DNAJC17: variants seen among roughly 807,000 people sequenced by gnomAD.
The protein encoded by DNAJC17 is DnaJ heat shock protein family (Hsp40) member C17.
Under a neutral mutation model 48.1 loss-of-function variants are expected in DNAJC17, and 35 were observed. The observed-to-expected ratio is 0.73, with a 90% confidence interval of 0.56 to 0.96. The LOEUF (loss-of-function observed/expected upper bound fraction) is 0.96, where lower values mean the gene tolerates loss of function less well. DNAJC17 is among the 50% of genes least tolerant of loss of function. DNAJC17 has a pLI of 0.00. For missense variants in DNAJC17, 355 were observed against 377.1 expected (o/e 0.94, Z 0.48); for synonymous variants, 117 against 142.7 (o/e 0.82, Z 1.28).
chr15:40,794,044 C>G (rs1302763280), intron 1 of DNAJC17, among the ~76,000 whole-genome samples: 1 of 152,150 alleles, frequency 6.6e-6, no homozygotes, highest in African/African-American at 2.4e-5. Context: ...ATGCAACAAG[C>G]AACAATTCTT....
intron 3 of DNAJC17, 69 bp from the exon 4 acceptor site, chr15:40,779,379 C>G (rs2141951596): frequency 1.3e-6 from 2 of 1,588,200 alleles, no homozygotes; most frequent in Non-Finnish European, 1.7e-6. Context: ...GGCAATCTGC[C>G]TGGCCCCTAG....
intron 1 of DNAJC17, among the ~76,000 whole-genome samples, chr15:40,784,056 G>A (rs528568133): frequency 7.9e-5 from 12 of 151,704 alleles, no homozygotes; most frequent in East Asian, 1.9e-4. Context: ...GTAAAACCCC[G>A]TCTCTACCAA....
chr15:40,779,669 C>CAAA (rs879358935), intron 2 of DNAJC17, 66 bp from the exon 3 acceptor site: 5 of 1,248,318 alleles, frequency 4.0e-6, no homozygotes, highest in African/African-American at 1.6e-5. Context: ...TGTGCTCCCT[C>CAAA]AAAAAAAAAA....
intron 1 of DNAJC17, among the ~76,000 whole-genome samples, chr15:40,801,733 G>A (rs373013141): frequency 8.1e-4 from 101 of 124,600 alleles, no homozygotes; most frequent in African/African-American, 3.1e-3. Flanking sequence ...GCGAGACTCC[G>A]TCTCAAAAAA....
At chr15:40,805,234 G>A (rs1175905123) in intron 1 of DNAJC17, among the ~76,000 whole-genome samples, 2 of 151,762 alleles carry the variant, frequency 1.3e-5, no homozygotes, top group Non-Finnish European at 2.9e-5. Flanking sequence ...AAATTAGCTG[G>A]GCGTGGTGGC....
intron 1 of DNAJC17, among the ~76,000 whole-genome samples, chr15:40,785,746 G>A (rs1889623279): frequency 6.6e-6 from 1 of 152,180 alleles, no homozygotes; most frequent in Non-Finnish European, 1.5e-5. Context: ...CTGCTGTGGG[G>A]TAGATCTAAA....
intron 1 of DNAJC17, among the ~76,000 whole-genome samples, chr15:40,796,196 C>G (rs1387340009): frequency 1.3e-5 from 2 of 152,126 alleles, no homozygotes; most frequent in African/African-American, 4.8e-5. Flanking sequence ...CTACCAAGGG[C>G]GAGGCATTGT....
intron 4 of DNAJC17, chr15:40,778,983 G>A: frequency 1.9e-6 from 1 of 532,656 alleles, no homozygotes; most frequent in Non-Finnish European, 3.4e-6. Context: ...TCCTTGTATA[G>A]TTATGATAAT....
At chr15:40,774,287 C>T in intron 9 of DNAJC17, 69 bp downstream of exon 9, 3 of 1,559,878 alleles carry the variant, frequency 1.9e-6, no homozygotes, top group Non-Finnish European at 1.8e-6. Context: ...TCAGAGGGCC[C>T]ACAGAATTGG....
chr15:40,773,620 A>T, intron 10 of DNAJC17, 107 bp downstream of exon 10: 1 of 845,168 alleles, frequency 1.2e-6, no homozygotes, highest in Non-Finnish European at 1.8e-6. Flanking sequence ...TGCCAAGCTC[A>T]CTCTAGGCCC....
chr15:40,792,033 A>C (rs1889820643), intron 1 of DNAJC17, among the ~76,000 whole-genome samples: 1 of 152,180 alleles, frequency 6.6e-6, no homozygotes, highest in African/African-American at 2.4e-5. Flanking sequence ...TAGGGCCTAG[A>C]GGCCCAAACA....
chr15:40,805,528 C>T (rs559375614), intron 1 of DNAJC17, among the ~76,000 whole-genome samples: 1 of 151,790 alleles, frequency 6.6e-6, no homozygotes, highest in South Asian at 2.1e-4. Context: ...GCCTGGGCGA[C>T]AGAGCGAGAC....
At position 40,767,366 on chromosome 15, in the gene DNAJC17, T is replaced by G. The variant is rs1888973684; in HGVS notation, c.*574A>C. 1 of 1,590,432 alleles carries G rather than the reference T, an allele frequency of 6.3e-7. No individual in the cohort carries two copies. The highest frequency in any genetic ancestry group is 8.6e-7 in the Non-Finnish European group (1 of 1,169,486). On this transcript the variant is annotated 3_prime_UTR_variant, in exon 11 of 11. Transcript: ENST00000220496. ...AAGGAGTGACCTTCTCATGCTGATT[T>G]GCAGACGGGGCACCCCTGTGGAGGG...
intron 1 of DNAJC17, among the ~76,000 whole-genome samples, chr15:40,800,848 A>G (rs1246359343): frequency 6.6e-6 from 1 of 151,344 alleles, no homozygotes; most frequent in Admixed American, 6.6e-5. Flanking sequence ...AATCTCGGCT[A>G]CTCCGGAGAC....
At chr15:40,789,327 A>C in intron 1 of DNAJC17, among the ~76,000 whole-genome samples, 1 of 135,622 alleles carries the variant, frequency 7.4e-6, no homozygotes, top group East Asian at 2.3e-4. Context: ...CCCGGATCTC[A>C]TCTCCAGGTC....
At chr15:40,779,432 G>A (rs1889418785) in intron 3 of DNAJC17, 113 bp downstream of exon 3, 2 of 1,558,118 alleles carry the variant, frequency 1.3e-6, no homozygotes, top group Non-Finnish European at 1.8e-6. Flanking sequence ...TGGGTCTCCT[G>A]GGCTTAGACA....
chr15:40,788,032 T>C (rs552068055), intron 1 of DNAJC17, among the ~76,000 whole-genome samples: 11 of 152,244 alleles, frequency 7.2e-5, no homozygotes, highest in African/African-American at 2.6e-4. Flanking sequence ...GAGGCAGCTC[T>C]ATGTGACAAC....
Position 40,779,895 on chromosome 15 carries a change from T to C in DNAJC17, c.148+33A>G, listed in dbSNP as rs73398540. On this transcript the variant is annotated intron_variant, in intron 2 of 10. Transcript: ENST00000220496. ...AAACACAATGCCCGGGTGAGTGGGT[T>C]TCTTTCTCCCCACGCCCTGAGAAGA... 9.3e-3 allele frequency: 14,871 copies of C among 1,606,868 alleles called. 1,241 individuals carry two copies. In the African/African-American group the frequency reaches 0.18, roughly 19 times the overall value.
intron 1 of DNAJC17, among the ~76,000 whole-genome samples, chr15:40,801,698 A>ACTGCACTC (rs1890075849): frequency 6.7e-6 from 1 of 149,670 alleles, no homozygotes; most frequent in African/African-American, 2.5e-5. Flanking sequence ...GCTTGCAGCC[A>ACTGCACTC]CTGCACTCCA....
Sources: allele counts gnomAD v4.1 joint callset (sites outside exome capture counted in the v4.1 genomes callset), GRCh38; gene constraint gnomAD v4.1.1; transcripts MANE v1.5; gene names NCBI Gene and HGNC (gene_info 2026-07-23, HGNC 2026-07-21).